LMTK2: variants seen among roughly 807,000 people sequenced by gnomAD.
LMTK2 encodes serine/threonine-protein kinase LMTK2.
A neutral mutation model predicts 127.5 loss-of-function variants in LMTK2; 37 were observed. That is an observed-to-expected ratio of 0.29 (90% confidence interval 0.22 to 0.38). The LOEUF is 0.38. Among genes scored for constraint, LMTK2 ranks in the 10% least tolerant of loss-of-function variants. The pLI is 1.00. For synonymous variants in LMTK2, 819 were observed against 810.1 expected (o/e 1.01, Z -0.19); for missense variants, 1,694 against 1,920.3 (o/e 0.88, Z 2.20).
intron 7 of LMTK2, among the ~76,000 whole-genome samples, chr7:98,175,545 T>C (rs1320969867): frequency 6.6e-6 from 1 of 152,198 alleles, no homozygotes; most frequent in Non-Finnish European, 1.5e-5. Context: ...TTAATCACTA[T>C]TGCACCTCAG....
At chr7:98,138,453 A>G (rs1323432521) in intron 2 of LMTK2, among the ~76,000 whole-genome samples, 1 of 152,176 alleles carries the variant, frequency 6.6e-6, no homozygotes, top group Non-Finnish European at 1.5e-5. Context: ...CCGTATACAC[A>G]CAGAGGGCTG....
intron 1 of LMTK2, among the ~76,000 whole-genome samples, chr7:98,133,079 A>T (rs576066301): frequency 6.6e-6 from 1 of 152,306 alleles, no homozygotes. Flanking sequence ...AAAACTATTA[A>T]ATGAAAACTC....
intron 1 of LMTK2, among the ~76,000 whole-genome samples, chr7:98,124,417 G>A (rs911500807): frequency 6.6e-6 from 1 of 152,196 alleles, no homozygotes; most frequent in Non-Finnish European, 1.5e-5. Context: ...GGAGGCCAAG[G>A]TGGGGAGAAT....
intron 7 of LMTK2, among the ~76,000 whole-genome samples, chr7:98,183,409 A>AT (rs1205072953): frequency 6.6e-6 from 1 of 151,828 alleles, no homozygotes; most frequent in Non-Finnish European, 1.5e-5. Context: ...ATTTATTTTT[A>AT]TTTTTTATTT....
At chr7:98,125,632 G>C (rs997235200) in intron 1 of LMTK2, among the ~76,000 whole-genome samples, 2 of 152,158 alleles carry the variant, frequency 1.3e-5, no homozygotes, top group Non-Finnish European at 2.9e-5. Context: ...CTGGATACCT[G>C]AGTATCTGGA....
At chr7:98,200,030 ATTC>A (rs1797684754) in intron 11 of LMTK2, among the ~76,000 whole-genome samples, 1 of 151,746 alleles carries the variant, frequency 6.6e-6, no homozygotes. Context: ...TTTTATTTCT[ATTC>A]TTCCTCTTTT....
At chr7:98,107,863 A>T (rs936131622) in intron 1 of LMTK2, among the ~76,000 whole-genome samples, 2 of 152,138 alleles carry the variant, frequency 1.3e-5, no homozygotes, top group Admixed American at 1.3e-4. Context: ...GCGTTGAATA[A>T]CTATTGACAA....
At chr7:98,124,296 A>T (rs118082687) in intron 1 of LMTK2, among the ~76,000 whole-genome samples, 2 of 152,132 alleles carry the variant, frequency 1.3e-5, no homozygotes, top group East Asian at 3.9e-4. Context: ...GAGCCTCACC[A>T]TGTACTGTCT....
rs1397331697 is a variant in LMTK2, at chr7:98,107,091, G to A, written c.-87G>A. On this transcript the variant is annotated 5_prime_UTR_variant, in exon 1 of 14. Transcript: ENST00000297293. Reference sequence around the variant, plus strand: ...CGGCGCGGGTGCCACTGAGGCAGCGGAGGGAGGCAGGATCGACTGACGGGC... The same window carrying A: ...CGGCGCGGGTGCCACTGAGGCAGCGAAGGGAGGCAGGATCGACTGACGGGC... 5 of 1,047,124 alleles carry A rather than the reference G, an allele frequency of 4.8e-6. No individual in the cohort carries two copies. The South Asian group carries it at 8.2e-5, about 17-fold the overall frequency. 64.9% of individuals were successfully genotyped at this position (1,047,124 alleles called of 1,614,324 possible).
chr7:98,163,584 G>C (rs780954119), intron 6 of LMTK2, among the ~76,000 whole-genome samples: 28 of 152,210 alleles, frequency 1.8e-4, no homozygotes, highest in Admixed American at 1.3e-4. Flanking sequence ...GGCCTGACAG[G>C]GTTCTTGGCA....
chr7:98,108,661 A>C (rs1796153296), intron 1 of LMTK2, among the ~76,000 whole-genome samples: 2 of 152,282 alleles, frequency 1.3e-5, no homozygotes, highest in African/African-American at 4.8e-5. Flanking sequence ...GGAAATAATG[A>C]AAGATTATGT....
chr7:98,112,165 A>G (rs954355792), intron 1 of LMTK2, among the ~76,000 whole-genome samples: 2 of 152,160 alleles, frequency 1.3e-5, no homozygotes, highest in Admixed American at 6.5e-5. Flanking sequence ...AACCAGAGAG[A>G]TGAATGTGAC....
chr7:98,153,666 A>C (rs1562907241), intron 4 of LMTK2, among the ~76,000 whole-genome samples: 1 of 152,096 alleles, frequency 6.6e-6, no homozygotes, highest in African/African-American at 2.4e-5. Flanking sequence ...TGAGGCGAGG[A>C]GTTTGAGACC....
chr7:98,167,378 C>T (rs910568018), intron 6 of LMTK2, among the ~76,000 whole-genome samples: 9 of 152,160 alleles, frequency 5.9e-5, no homozygotes, highest in Non-Finnish European at 1.3e-4. Context: ...CAGGCTATCA[C>T]GGTTGGATTT....
intron 11 of LMTK2, among the ~76,000 whole-genome samples, chr7:98,201,400 CA>C (rs1797702169): frequency 1.3e-5 from 2 of 152,122 alleles, no homozygotes; most frequent in Non-Finnish European, 1.5e-5. Flanking sequence ...TTTGAAATCC[CA>C]AGTGCTCCAG....
chr7:98,165,184 C>T (rs1046062356), intron 6 of LMTK2, among the ~76,000 whole-genome samples: 2 of 152,212 alleles, frequency 1.3e-5, no homozygotes, highest in African/African-American at 2.4e-5. Flanking sequence ...GAACCTTGGC[C>T]ACTGCCCACA....
At chr7:98,148,319 G>C (rs1334571834) in intron 3 of LMTK2, among the ~76,000 whole-genome samples, 1 of 151,248 alleles carries the variant, frequency 6.6e-6, no homozygotes, top group Admixed American at 6.6e-5. Flanking sequence ...GAGAAACCCT[G>C]TCTCCACCAA....
chr7:98,127,010 T>G (rs1343739645), intron 1 of LMTK2, among the ~76,000 whole-genome samples: 1 of 152,212 alleles, frequency 6.6e-6, no homozygotes, highest in African/African-American at 2.4e-5. Context: ...CACGCTTCAT[T>G]TCCCTTTTCC....
intron 7 of LMTK2, among the ~76,000 whole-genome samples, chr7:98,180,666 C>T (rs892344210): frequency 1.3e-5 from 2 of 152,074 alleles, no homozygotes; most frequent in Non-Finnish European, 1.5e-5. Context: ...CTGACTACAA[C>T]GCTTGCATAT....
Sources: gnomAD v4.1 joint callset for allele counts (sites outside exome capture counted in the v4.1 genomes callset) on GRCh38, gnomAD v4.1.1 for gene constraint, MANE v1.5 for transcripts, NCBI Gene and HGNC (gene_info 2026-07-23, HGNC 2026-07-21) for gene names.